SYNDIG1L: variants seen among roughly 807,000 people sequenced by gnomAD.
The protein encoded by SYNDIG1L is synapse differentiation inducing 1 like, also known as synapse differentiation-inducing gene protein 1-like.
SYNDIG1L carries 13 observed loss-of-function variants against 20.1 expected under a neutral mutation model. The observed-to-expected ratio is 0.65, with a 90% confidence interval of 0.42 to 1.03. The LOEUF (loss-of-function observed/expected upper bound fraction) is 1.03, where lower values mean the gene tolerates loss of function less well. Ranked by LOEUF, SYNDIG1L falls within the 50% of genes least tolerant of loss-of-function variation. SYNDIG1L has a pLI of 0.00. For missense variants in SYNDIG1L, 294 were observed against 305.1 expected (o/e 0.96, Z 0.27); for synonymous variants, 128 against 129.3 (o/e 0.99, Z 0.07).
intron 1 of SYNDIG1L, among the ~76,000 whole-genome samples, chr14:74,413,767 C>T (rs1957011055): frequency 7.3e-6 from 1 of 136,144 alleles, no homozygotes; most frequent in Non-Finnish European, 1.6e-5. Flanking sequence ...TGCCCCCTCA[C>T]ATATACACTC....
the SYNDIG1L span, chr14:74,474,790 A>G: frequency 0.23 from 34,462 of 152,154 alleles, 4,346 homozygotes; most frequent in African/African-American, 0.33. Context: ...AGGAGAATGA[A>G]ACCTAGCCCA....
At chr14:74,433,016 T>A in the SYNDIG1L span, among the ~76,000 whole-genome samples, 1 of 152,228 alleles carries the variant, frequency 6.6e-6, no homozygotes, top group Admixed American at 6.5e-5. Flanking sequence ...TGATTTGTAT[T>A]GATTCTTAAA....
the SYNDIG1L span, among the ~76,000 whole-genome samples, chr14:74,452,868 G>A: frequency 5.3e-5 from 8 of 152,076 alleles, no homozygotes; most frequent in African/African-American, 1.7e-4. Flanking sequence ...AATAAAATAC[G>A]ATATATCCAT....
chr14:74,458,772 A>T, the SYNDIG1L span, among the ~76,000 whole-genome samples: 2 of 152,144 alleles, frequency 1.3e-5, no homozygotes, highest in African/African-American at 4.8e-5. Flanking sequence ...CATTTTATAC[A>T]CACCTTGACA....
At chr14:74,411,940 T>G (rs1160121573) in intron 1 of SYNDIG1L, among the ~76,000 whole-genome samples, 1 of 152,190 alleles carries the variant, frequency 6.6e-6, no homozygotes, top group Non-Finnish European at 1.5e-5. Context: ...GATGCTGGGC[T>G]GCCATGGGCC....
upstream of SYNDIG1L, among the ~76,000 whole-genome samples, chr14:74,429,824 G>A (rs1595202319): frequency 1.3e-5 from 2 of 152,368 alleles, no homozygotes; most frequent in Non-Finnish European, 2.9e-5. Flanking sequence ...ATGCTAGAGA[G>A]AACCCTGGAA....
the SYNDIG1L span, among the ~76,000 whole-genome samples, chr14:74,475,260 C>T: frequency 2.0e-5 from 3 of 151,292 alleles, no homozygotes; most frequent in South Asian, 2.1e-4. Flanking sequence ...ACTTATTATG[C>T]GTCAGGTACT....
chr14:74,478,393 A>G, the SYNDIG1L span, among the ~76,000 whole-genome samples: 1 of 152,234 alleles, frequency 6.6e-6, no homozygotes, highest in African/African-American at 2.4e-5. Flanking sequence ...GGAAAGAAAA[A>G]TATATTTTAG....
the SYNDIG1L span, among the ~76,000 whole-genome samples, chr14:74,458,455 T>TAA: frequency 2.9e-4 from 43 of 150,026 alleles, no homozygotes; most frequent in African/African-American, 8.1e-4. Context: ...CTGTGTCTAC[T>TAA]AAAAAAAAAT....
At chr14:74,458,819 C>T in the SYNDIG1L span, among the ~76,000 whole-genome samples, 2 of 151,798 alleles carry the variant, frequency 1.3e-5, no homozygotes, top group African/African-American at 2.4e-5. Context: ...TGTGATTAAC[C>T]CCATTCTGTG....
At chr14:74,420,408 A>G (rs77770685) in intron 1 of SYNDIG1L, among the ~76,000 whole-genome samples, 1 of 151,040 alleles carries the variant, frequency 6.6e-6, no homozygotes, top group African/African-American at 2.4e-5. Context: ...AAAAAAAAAA[A>G]TGCAGGCAGG....
chr14:74,455,134 G>T, the SYNDIG1L span, among the ~76,000 whole-genome samples: 1 of 152,210 alleles, frequency 6.6e-6, no homozygotes, highest in African/African-American at 2.4e-5. Flanking sequence ...CAGCCTGCAG[G>T]CCTGTCCTGG....
At chr14:74,423,997 G>C (rs1453668728) in intron 1 of SYNDIG1L, among the ~76,000 whole-genome samples, 4 of 152,164 alleles carry the variant, frequency 2.6e-5, no homozygotes, top group Non-Finnish European at 5.9e-5. Context: ...AGAAATAAGA[G>C]AGGGGGTTCT....
At chr14:74,430,606 T>C (rs2086295913), upstream of SYNDIG1L, among the ~76,000 whole-genome samples, 1 of 152,180 alleles carries the variant, frequency 6.6e-6, no homozygotes, top group Non-Finnish European at 1.5e-5. Flanking sequence ...TAGCTAATTT[T>C]TGTATTTTTA....
the SYNDIG1L span, among the ~76,000 whole-genome samples, chr14:74,450,825 A>C: frequency 2.6e-5 from 4 of 152,208 alleles, no homozygotes; most frequent in Non-Finnish European, 5.9e-5. Context: ...TAAACGGGCA[A>C]AATATTTTTA....
upstream of SYNDIG1L, among the ~76,000 whole-genome samples, chr14:74,427,728 C>T (rs1460215327): frequency 6.6e-6 from 1 of 152,096 alleles, no homozygotes; most frequent in African/African-American, 2.4e-5. Context: ...TCACAGACAC[C>T]CTCCTCCTCA....
chr14:74,448,681 G>C, the SYNDIG1L span, among the ~76,000 whole-genome samples: 1 of 152,134 alleles, frequency 6.6e-6, no homozygotes, highest in African/African-American at 2.4e-5. Flanking sequence ...TATAAAGTGT[G>C]TTCTCTGATC....
At chr14:74,422,836 C>A (rs780277132) in intron 1 of SYNDIG1L, among the ~76,000 whole-genome samples, 6 of 151,828 alleles carry the variant, frequency 4.0e-5, no homozygotes, top group Non-Finnish European at 7.4e-5. Context: ...CTCAGCCTCC[C>A]GAGTAGCTGA....
chr14:74,439,422 C>A, the SYNDIG1L span, among the ~76,000 whole-genome samples: 6 of 152,194 alleles, frequency 3.9e-5, no homozygotes, highest in Non-Finnish European at 7.3e-5. Context: ...TGCATTGCTT[C>A]TCTCTTGCCT....
Sources: gnomAD v4.1 joint callset for allele counts (sites outside exome capture counted in the v4.1 genomes callset) on GRCh38, gnomAD v4.1.1 for gene constraint, MANE v1.5 for transcripts, NCBI Gene and HGNC (gene_info 2026-07-23, HGNC 2026-07-21) for gene names.